The following WDFY4 variants were observed in gnomAD, a reference collection of about 807,000 sequenced individuals.
WDFY4 encodes the protein WDFY family member 4, also known as WD repeat- and FYVE domain-containing protein 4.
WDFY4 carries 169 observed loss-of-function variants against 351.9 expected under a neutral mutation model. That is an observed-to-expected ratio of 0.48 (90% confidence interval 0.42 to 0.55). The LOEUF is 0.55. Among genes scored for constraint, WDFY4 ranks in the 20% least tolerant of loss-of-function variants. The pLI is 0.00. For synonymous variants in WDFY4, 1,622 were observed against 1,574.6 expected (o/e 1.03, Z -0.71); for missense variants, 3,803 against 3,935.6 (o/e 0.97, Z 0.90).
intron 40 of WDFY4, among the ~76,000 whole-genome samples, chr10:48,869,597 C>A (rs1232780639): frequency 6.6e-6 from 1 of 151,920 alleles, no homozygotes; most frequent in African/African-American, 2.4e-5. Flanking sequence ...TACAGTCTGG[C>A]CCTGTTCAGA....
At chr10:48,816,931 C>T (rs2067638830) in intron 31 of WDFY4, among the ~76,000 whole-genome samples, 1 of 152,094 alleles carries the variant, frequency 6.6e-6, no homozygotes, top group South Asian at 2.1e-4. Context: ...CTACCCAATA[C>T]AGTAGACAAG....
intron 38 of WDFY4, 93 bp downstream of exon 38, chr10:48,830,978 C>T: frequency 1.6e-6 from 2 of 1,249,438 alleles, no homozygotes; most frequent in Non-Finnish European, 1.1e-6. Context: ...GAGCCTTTTC[C>T]ACCTGGACCC....
At chr10:48,789,324 A>G (rs746376614) in intron 21 of WDFY4, among the ~76,000 whole-genome samples, 4 of 152,202 alleles carry the variant, frequency 2.6e-5, no homozygotes, top group Admixed American at 6.5e-5. Context: ...AAAATTTGCA[A>G]TTCGTTTATA....
intron 47 of WDFY4, among the ~76,000 whole-genome samples, chr10:48,932,076 T>C (rs1840047496): frequency 6.6e-6 from 1 of 152,258 alleles, no homozygotes; most frequent in Admixed American, 6.5e-5. Flanking sequence ...TTTAGTCTCA[T>C]AACACGCCTG....
chr10:48,853,359 G>A (rs373453006), intron 39 of WDFY4, among the ~76,000 whole-genome samples: 2 of 152,084 alleles, frequency 1.3e-5, no homozygotes, highest in South Asian at 4.2e-4. Flanking sequence ...TCTTATTTTT[G>A]TGATCTCTTA....
chr10:48,805,565 G>A, intron 26 of WDFY4, 144 bp downstream of exon 26: 2 of 1,195,226 alleles, frequency 1.7e-6, no homozygotes, highest in Non-Finnish European at 2.3e-6. Flanking sequence ...CTGAGAGTTG[G>A]GGAAAGGATG....
chr10:48,906,397 G>A (rs866332132), intron 47 of WDFY4, among the ~76,000 whole-genome samples: 21 of 152,080 alleles, frequency 1.4e-4, no homozygotes, highest in African/African-American at 5.1e-4. Context: ...AGGCTCTCTG[G>A]GCCTGAATTC....
intron 19 of WDFY4, among the ~76,000 whole-genome samples, chr10:48,783,474 TTGTATATATCTTA>T (rs201252786): frequency 0.051 from 7,769 of 151,598 alleles, 261 homozygotes; most frequent in Middle Eastern, 0.088. Flanking sequence ...ATATGTACAA[TTGTATATATCTTA>T]TGTATATATC....
intron 37 of WDFY4, 38 bp downstream of exon 37, chr10:48,828,934 G>T (rs1391440993): frequency 4.4e-5 from 12 of 271,316 alleles, no homozygotes; most frequent in Admixed American, 1.7e-4. Context: ...GGGCGGGGGG[G>T]GGGCGGGGAG....
At chr10:48,759,242 A>T (rs577898108) in intron 12 of WDFY4, among the ~76,000 whole-genome samples, 7 of 152,308 alleles carry the variant, frequency 4.6e-5, no homozygotes, top group African/African-American at 1.4e-4. Flanking sequence ...ATGCACATAC[A>T]CAGTCAGAAC....
chr10:48,721,277 A>G lies in WDFY4; in HGVS notation c.366A>G (p.Ala122=). 1 of 1,551,668 alleles carries G rather than the reference A, an allele frequency of 6.4e-7. No homozygotes were observed. Among genetic ancestry groups the G allele is most frequent in the Non-Finnish European group, 8.7e-7 (1 of 1,146,978 alleles). Residue 122 remains alanine, a synonymous_variant, in exon 4 of 62, where the codon GCA becomes GCG. Coordinates refer to ENST00000325239, the MANE Select transcript of WDFY4 (RefSeq NM_001394531.1). Reference sequence around the variant, plus strand: ...TTCTTCCAGAGCAAGCTCGGTTGGCAGCTGGACAGTTGCTGTGGTGGAAGG... The same window carrying G: ...TTCTTCCAGAGCAAGCTCGGTTGGCGGCTGGACAGTTGCTGTGGTGGAAGG... ...VGKPAEQARL[A]AGQLLWWKGD... is the part of the protein sequence containing the mutation.
At chr10:48,882,615 C>T (rs2070298435) in intron 43 of WDFY4, among the ~76,000 whole-genome samples, 1 of 152,104 alleles carries the variant, frequency 6.6e-6, no homozygotes, top group South Asian at 2.1e-4. Context: ...GGTGAGGCCT[C>T]AGGAAGCTTC....
intron 47 of WDFY4, among the ~76,000 whole-genome samples, chr10:48,918,898 T>C (rs533937355): frequency 6.6e-6 from 1 of 152,288 alleles, no homozygotes; most frequent in East Asian, 1.9e-4. Context: ...CATTGCCAAA[T>C]GTCCACTGAG....
intron 40 of WDFY4, among the ~76,000 whole-genome samples, chr10:48,870,710 G>A (rs1589784482): frequency 6.6e-6 from 1 of 152,166 alleles, no homozygotes; most frequent in Non-Finnish European, 1.5e-5. Flanking sequence ...GCATTTCAGA[G>A]CACCTTTGCA....
At chr10:48,742,851 T>TG in intron 11 of WDFY4, 117 bp from the exon 12 acceptor site, 1 of 899,944 alleles carries the variant, frequency 1.1e-6, no homozygotes, top group African/African-American at 1.7e-5. Context: ...TCCTGTAACT[T>TG]GTTGGCCTGA....
intron 12 of WDFY4, among the ~76,000 whole-genome samples, chr10:48,748,760 C>A (rs2065088577): frequency 6.6e-6 from 1 of 152,176 alleles, no homozygotes; most frequent in South Asian, 2.1e-4. Context: ...TGAAACTCTA[C>A]CCCCTCCAGG....
Position 48,875,130 on chromosome 10 carries a change from T to C in WDFY4, c.6990T>C (p.Ala2330=). The change falls in exon 42 of 62, where the codon GCT becomes GCC. Residue 2330 remains alanine (A), a synonymous_variant. Transcript: ENST00000325239. ...ATGATCATATTTCTCAAACAAATGCTGAAAACCAAGGTATTCAGTTTATCT... is the reference window on the plus strand; with the variant it reads ...ATGATCATATTTCTCAAACAAATGCCGAAAACCAAGGTATTCAGTTTATCT... ...DKNDHISQTN[A]ENQDELTLRE... is the part of the protein sequence containing the mutation. The C allele has an allele frequency of 1.3e-6, 2 of 1,486,176 alleles. No homozygotes were observed. The highest frequency in any genetic ancestry group is 2.3e-5 in the Admixed American group (1 of 43,852). 92.1% of individuals were successfully genotyped at this position (1,486,176 alleles called of 1,614,324 possible).
At chr10:48,840,457 GCA>G (rs905267906) in intron 39 of WDFY4, among the ~76,000 whole-genome samples, 18 of 142,724 alleles carry the variant, frequency 1.3e-4, no homozygotes, top group South Asian at 6.9e-4. Flanking sequence ...CCTCTCTCAC[GCA>G]CACACACACA....
chr10:48,909,007 A>T (rs1277514822), intron 47 of WDFY4, among the ~76,000 whole-genome samples: 2 of 147,882 alleles, frequency 1.4e-5, no homozygotes, highest in African/African-American at 5.0e-5. Context: ...CTATACATGG[A>T]ATCATAGAGT....
Sources: allele counts gnomAD v4.1 joint callset (sites outside exome capture counted in the v4.1 genomes callset), GRCh38; gene constraint gnomAD v4.1.1; transcripts MANE v1.5; gene names NCBI Gene and HGNC (gene_info 2026-07-23, HGNC 2026-07-21).